Variants in VAMP7 observed in about 807,000 individuals in gnomAD.
The protein encoded by VAMP7 is vesicle-associated membrane protein 7.
A neutral mutation model predicts 29.6 loss-of-function variants in VAMP7; 14 were observed. The observed-to-expected ratio is 0.47, with a 90% CI of 0.31 to 0.74. The LOEUF (loss-of-function observed/expected upper bound fraction) is 0.74. VAMP7 is among the 30% of genes least tolerant of loss of function. VAMP7 has a pLI of 0.05. For missense variants in VAMP7, 223 were observed against 262.4 expected, an observed-to-expected ratio of 0.85 and a Z score of 1.04; for synonymous variants, 95 against 88.1, an observed-to-expected ratio of 1.08 and a Z score of -0.44.
chrX:155,921,613 C>A (rs952948061), intron 6 of VAMP7, among the ~76,000 whole-genome samples: 1 of 151,340 alleles, frequency 6.6e-6, no homozygotes, highest in Admixed American at 6.6e-5. Flanking sequence ...TTTGTTTATC[C>A]GTTCTTCTCT....
In VAMP7 at chrX:155,890,350, TTTTATTTA is replaced by T. The variant is rs753165878; in HGVS notation, c.146+759_146+766del. On this transcript the variant is annotated intron_variant, in intron 2 of 7. Transcript: ENST00000286448. Reference sequence around the variant, plus strand: ...CCAGGGTGTGACAGAGTCAGGTTTGTTTTATTTATTTATTTATTTATTTATTTAGAAAC... The same window carrying T: ...CCAGGGTGTGACAGAGTCAGGTTTGTTTTATTTATTTATTTATTTAGAAAC... Among the ~76,000 whole-genome samples, 28 of 151,314 alleles carry T rather than the reference TTTTATTTA, an allele frequency of 1.9e-4. 1 individual carries two copies. Among genetic ancestry groups the T allele is most frequent in the Non-Finnish European group, 3.2e-4 (22 of 67,922 alleles).
At chrX:155,939,628 G>T in intron 6 of VAMP7, 73 bp from the exon 7 acceptor site, 4 of 1,064,794 alleles carry the variant, frequency 3.8e-6, no homozygotes, top group Non-Finnish European at 4.4e-6. Context: ...GAAGTAAAAT[G>T]TTCTCAGGTT....
chrX:155,907,977 C>T (rs908681712), intron 5 of VAMP7, among the ~76,000 whole-genome samples: 20 of 151,838 alleles, frequency 1.3e-4, no homozygotes, highest in African/African-American at 3.1e-4. Context: ...CGGGCAGAGA[C>T]GCTCCTCACT....
chrX:155,926,500 T>A (rs1256281345), intron 6 of VAMP7, among the ~76,000 whole-genome samples: 4 of 152,194 alleles, frequency 2.6e-5, no homozygotes, highest in Admixed American at 2.6e-4. Flanking sequence ...CTTCATAGAG[T>A]TGAAGAGTTA....
chrX:155,886,832 A>G (rs2065871058), intron 1 of VAMP7, among the ~76,000 whole-genome samples: 1 of 152,220 alleles, frequency 6.6e-6, no homozygotes, highest in Non-Finnish European at 1.5e-5. Context: ...GCAATATCGC[A>G]TACCGTTGGT....
At chrX:155,882,593 C>A (rs2065816374) in intron 1 of VAMP7, among the ~76,000 whole-genome samples, 1 of 152,152 alleles carries the variant, frequency 6.6e-6, no homozygotes, top group East Asian at 1.9e-4. Context: ...CATGGTTTAT[C>A]TGTAGTTGGT....
chrX:155,892,037 C>T (rs181910571), intron 2 of VAMP7, among the ~76,000 whole-genome samples: 1 of 152,092 alleles, frequency 6.6e-6, no homozygotes, highest in African/African-American at 2.4e-5. Flanking sequence ...ATCTTCCACT[C>T]ATGTATTATG....
At chrX:155,923,722 G>A (rs1424702989) in intron 6 of VAMP7, among the ~76,000 whole-genome samples, 5 of 151,938 alleles carry the variant, frequency 3.3e-5, no homozygotes, top group East Asian at 1.9e-4. Context: ...TTATGAAAAT[G>A]TTTAGCTCTT....
At chrX:155,889,267 C>T (rs749087339) in intron 1 of VAMP7, among the ~76,000 whole-genome samples, 191 bp from the exon 2 acceptor site, 1 of 152,170 alleles carries the variant, frequency 6.6e-6, no homozygotes, top group Admixed American at 6.6e-5. Flanking sequence ...ACAAGCATGG[C>T]TTAGGTTGTA....
chrX:155,934,684 C>T (rs2066620024), intron 6 of VAMP7, among the ~76,000 whole-genome samples: 2 of 152,124 alleles, frequency 1.3e-5, no homozygotes, highest in African/African-American at 4.8e-5. Flanking sequence ...TTAATTGGAG[C>T]ATTTAGCCCA....
chrX:155,884,134 T>C (rs2065838403), intron 1 of VAMP7, among the ~76,000 whole-genome samples: 1 of 152,070 alleles, frequency 6.6e-6, no homozygotes, highest in African/African-American at 2.4e-5. Context: ...TTAAACTTTT[T>C]TTTTTCTTTT....
At chrX:155,911,221 C>A (rs1241352166) in intron 5 of VAMP7, among the ~76,000 whole-genome samples, 1 of 152,020 alleles carries the variant, frequency 6.6e-6, no homozygotes, top group African/African-American at 2.4e-5. Context: ...GTCCTTGGCA[C>A]CTTTGTTGAA....
intron 5 of VAMP7, among the ~76,000 whole-genome samples, chrX:155,908,159 C>T (rs991241277): frequency 1.3e-3 from 200 of 152,324 alleles, no homozygotes; most frequent in Non-Finnish European, 2.6e-3. Flanking sequence ...GACGGGGTGG[C>T]GGCTGGGCAG....
chrX:155,890,270 A>G (rs2065911748), intron 2 of VAMP7, among the ~76,000 whole-genome samples: 1 of 152,174 alleles, frequency 6.6e-6, no homozygotes, highest in Non-Finnish European at 1.5e-5. Context: ...TGTAGGCCAT[A>G]TTAAGAGCTT....
chrX:155,923,163 ATTG>A (rs1266063026), intron 6 of VAMP7, among the ~76,000 whole-genome samples: 1 of 152,026 alleles, frequency 6.6e-6, no homozygotes, highest in Non-Finnish European at 1.5e-5. Flanking sequence ...TTCATAATAC[ATTG>A]TTGTTGTTTT....
At position 155,928,584 on chromosome X, in the gene VAMP7, C is replaced by T. The variant is rs1485994036; in HGVS notation, c.501+8704C>T. ...GTGTGTCAAGCCTCCATCTACTTTC[C>T]TCCTATAGAGACATTTGTGATGTCA... On this transcript the variant is annotated intron_variant, in intron 6 of 7. Transcript: ENST00000286448. 2.0e-5 allele frequency among the ~76,000 whole-genome samples: 3 copies of T among 152,158 alleles called. No individual in the cohort carries two copies. In the East Asian group the frequency reaches 5.8e-4, roughly 29 times the overall value.
intron 1 of VAMP7, among the ~76,000 whole-genome samples, chrX:155,883,189 A>G (rs1425501394): frequency 3.3e-5 from 5 of 152,176 alleles, no homozygotes; most frequent in Non-Finnish European, 7.3e-5. Context: ...TAGACTCCCT[A>G]TTTGATCAAA....
At chrX:155,894,718 C>T (rs1317821781) in intron 2 of VAMP7, among the ~76,000 whole-genome samples, 7 of 152,040 alleles carry the variant, frequency 4.6e-5, no homozygotes, top group African/African-American at 9.7e-5. Flanking sequence ...TGGGTTCCAG[C>T]GATCCTCCTG....
rs190795200 is a variant in VAMP7 at position 155,924,838 on chromosome X, A to G, written c.501+4958A>G. 2.2e-4 allele frequency among the ~76,000 whole-genome samples: 33 copies of G among 152,322 alleles called. 1 individual carries two copies. The highest frequency in any genetic ancestry group is 7.9e-4 in the African/African-American group (33 of 41,584). On this transcript the variant is annotated intron_variant, in intron 6 of 7. Transcript: ENST00000286448. ...GCTATTTGATAGCAATTTACTGGCA[A>G]TAGAACTTCTTTCAAAATTGGAGTC...
Sources: gnomAD v4.1 joint callset for allele counts (sites outside exome capture counted in the v4.1 genomes callset) on GRCh38, gnomAD v4.1.1 for gene constraint, MANE v1.5 for transcripts, NCBI Gene and HGNC (gene_info 2026-07-23, HGNC 2026-07-21) for gene names.